PCDHGB2: variants seen among roughly 807,000 people sequenced by gnomAD.
PCDHGB2 encodes the protein protocadherin gamma-B2.
In PCDHGB2, 55 loss-of-function variants were observed where a neutral mutation model predicts 59.3. The ratio of observed to expected loss-of-function variants is 0.93; its 90% CI spans 0.75 to 1.16. The LOEUF is 1.16. PCDHGB2 is among the 50% of genes most tolerant of loss of function. The pLI is 0.00. For missense variants in PCDHGB2, 1,228 were observed against 1,198.5 expected (o/e 1.02, Z -0.36); for synonymous variants, 516 against 512.0 (o/e 1.01, Z -0.11).
intron 2 of PCDHGB2, 145 bp downstream of exon 2, chr5:141,495,010 G>GT: frequency 6.6e-7 from 1 of 1,516,970 alleles, no homozygotes; most frequent in East Asian, 2.5e-5. Flanking sequence ...GTGTGCGGGG[G>GT]GCTGGCACAC....
rs781055264 is a variant in PCDHGB2, at chr5:141,361,206, G to A, written c.1071G>A (p.Pro357=). The change falls in exon 1 of 4, where the codon CCG becomes CCA. Residue 357 remains proline, a synonymous_variant. Coordinates refer to ENST00000522605, the MANE Select transcript of PCDHGB2 (RefSeq NM_018923.3). The part of the protein sequence containing the change: ...VIVTSVSTPL[P]EDSPPGTVIA... ...TGACTTCAGTATCTACTCCCCTACC[G>A]GAGGATTCGCCACCAGGAACAGTGA... The A allele has an allele frequency of 6.2e-7, 1 of 1,613,902 alleles. No homozygotes were observed. Among genetic ancestry groups the A allele is most frequent in the Non-Finnish European group, 8.5e-7 (1 of 1,179,876 alleles).
chr5:141,423,131 A>C (rs370773437), intron 1 of PCDHGB2: 1 of 1,613,538 alleles, frequency 6.2e-7, no homozygotes. Flanking sequence ...GCACTGCTGG[A>C]CAGAGACGCG....
intron 1 of PCDHGB2, among the ~76,000 whole-genome samples, chr5:141,438,976 C>T (rs2098079529): frequency 6.6e-6 from 1 of 151,928 alleles, no homozygotes; most frequent in Non-Finnish European, 1.5e-5. Context: ...AACTGTCTGA[C>T]TTATCTTAAA....
chr5:141,456,550 C>T (rs1017343381), intron 1 of PCDHGB2, among the ~76,000 whole-genome samples: 2 of 152,166 alleles, frequency 1.3e-5, no homozygotes, highest in African/African-American at 4.8e-5. Context: ...TGTAGCCACT[C>T]GGGGCTGAAG....
chr5:141,473,776 T>C (rs1026169931), intron 1 of PCDHGB2, among the ~76,000 whole-genome samples: 1 of 152,214 alleles, frequency 6.6e-6, no homozygotes, highest in Non-Finnish European at 1.5e-5. Context: ...TTTGGTATTT[T>C]AATTCAAGAG....
intron 1 of PCDHGB2, chr5:141,371,767 C>A: frequency 6.2e-7 from 1 of 1,614,030 alleles, no homozygotes; most frequent in Non-Finnish European, 8.5e-7. Context: ...GCCTCCTACA[C>A]CGTGCATGTA....
intron 1 of PCDHGB2, chr5:141,414,582 C>T (rs2095761888): frequency 2.5e-6 from 4 of 1,613,862 alleles, no homozygotes; most frequent in Non-Finnish European, 3.4e-6. Flanking sequence ...CAGAGAACAA[C>T]GCCAGGGGTG....
intron 1 of PCDHGB2, chr5:141,417,887 C>A: frequency 6.4e-7 from 1 of 1,564,888 alleles, no homozygotes; most frequent in Non-Finnish European, 8.7e-7. Context: ...GCAGAGGCGC[C>A]GGGCCGGCCC....
At chr5:141,421,184 C>G (rs2096551183) in intron 1 of PCDHGB2, 1 of 1,457,940 alleles carries the variant, frequency 6.9e-7, no homozygotes, top group African/African-American at 1.4e-5. Context: ...CGATTCACAA[C>G]CAACCAGCTC....
chr5:141,417,776 C>T (rs2096161387), intron 1 of PCDHGB2: 1 of 1,469,712 alleles, frequency 6.8e-7, no homozygotes, highest in South Asian at 1.4e-5. Context: ...CTCCTCCTGT[C>T]CTGGGCCGAA....
chr5:141,495,818 GTTC>G (rs2099764072), intron 2 of PCDHGB2, among the ~76,000 whole-genome samples: 1 of 151,904 alleles, frequency 6.6e-6, no homozygotes, highest in South Asian at 2.1e-4. Context: ...AGCGCCTTGT[GTTC>G]TTCTATCCCC....
rs1260981096 is a variant in PCDHGB2 at position 141,374,541 on chromosome 5, C to T, written c.2421+11985C>T. On this transcript the variant is annotated intron_variant, in intron 1 of 3. Coordinates refer to ENST00000522605, the MANE Select transcript of PCDHGB2 (RefSeq NM_018923.3). Reference sequence around the variant, plus strand: ...AACGCAGCTCCATCCTCTCGTTTTCCACTAATGGAGGTCTATGACCCTGAT... The same window carrying T: ...AACGCAGCTCCATCCTCTCGTTTTCTACTAATGGAGGTCTATGACCCTGAT... 6.8e-6 allele frequency: 11 copies of T among 1,613,170 alleles called. No individual in the cohort carries two copies. Among genetic ancestry groups the T allele is most frequent in the Non-Finnish European group, 9.3e-6 (11 of 1,179,374 alleles).
chr5:141,433,054 G>A, intron 1 of PCDHGB2: 2 of 1,614,196 alleles, frequency 1.2e-6, no homozygotes, highest in Non-Finnish European at 1.7e-6. Context: ...ACTCGCGGAA[G>A]AGTCACCTGA....
At chr5:141,404,520 A>C (rs1483361714) in intron 1 of PCDHGB2, 2 of 1,613,916 alleles carry the variant, frequency 1.2e-6, no homozygotes, top group Non-Finnish European at 1.7e-6. Context: ...TTTGACTATG[A>C]GCAGTTTAGA....
Position 141,491,590 on chromosome 5 carries a change from G to A in PCDHGB2, c.2422-3217G>A, listed in dbSNP as rs376104513. ...GACGTGCTTTTCACCGGCCTCGGAC[G>A]GCAGTGACTTCACTTTTCTAAGACC... On this transcript the variant is annotated intron_variant, in intron 1 of 3. Transcript: ENST00000522605. The surrounding 1 kb of genome is among the most constrained non-coding windows in gnomAD (Gnocchi z 6.9). 15 of 1,613,828 alleles carry A rather than the reference G, an allele frequency of 9.3e-6. No homozygotes were observed. In the African/African-American group the frequency reaches 2.0e-4, roughly 22 times the overall value.
rs749007839 is a variant in PCDHGB2 at position 141,418,069 on chromosome 5, G to A, written c.2421+55513G>A. On this transcript the variant is annotated intron_variant, in intron 1 of 3. Coordinates refer to ENST00000522605, the MANE Select transcript of PCDHGB2 (RefSeq NM_018923.3). ...CGGCTCGCGAGCTGCGAGTGAGCGC[G>A]GAGAAGCTGCACTTCAGCGTAGACG... 1.7e-5 allele frequency: 28 copies of A among 1,613,926 alleles called. 1 individual carries two copies. The Middle Eastern group carries it at 9.9e-4, about 57-fold the overall frequency.
In PCDHGB2 at chr5:141,362,522, C is replaced by T. The variant is rs780916680; in HGVS notation, c.2387C>T (p.Ala796Val). ...GAACAAAATACAAATCATGGAGCCGCTGGGGTCCCTTTTGCCTCAGATACT... is the reference window on the plus strand; with the variant it reads ...GAACAAAATACAAATCATGGAGCCGTTGGGGTCCCTTTTGCCTCAGATACT... ...SWEQNTNHGA[A>V]GVPFASDTIL... Residue 796 changes from alanine to valine, a missense_variant, in exon 1 of 4, where the codon GCT becomes GTT. Physicochemically the swap from Ala to Val is moderately conservative, Grantham distance 64. Transcript: ENST00000522605. The T allele has an allele frequency of 3.7e-6, 6 of 1,614,018 alleles. No homozygotes were observed. Among genetic ancestry groups the T allele is most frequent in the Non-Finnish European group, 5.1e-6 (6 of 1,179,904 alleles).
intron 3 of PCDHGB2, among the ~76,000 whole-genome samples, chr5:141,509,962 C>A (rs1186902807): frequency 2.0e-5 from 3 of 152,206 alleles, no homozygotes. Context: ...CGGGTATGGC[C>A]TTGGTCCTTC....
In PCDHGB2 at chr5:141,476,235, A is replaced by G; in HGVS notation, c.2422-18572A>G. ...GTCATTCACTATGAGATCCCGGAGG[A>G]AAGAGAGAAGGGTTTCGCTGTGGGC... is the stretch of plus-strand genomic sequence containing the variant. On this transcript the variant is annotated intron_variant, in intron 1 of 3. Coordinates refer to ENST00000522605, the MANE Select transcript of PCDHGB2 (RefSeq NM_018923.3). The surrounding 1 kb of genome is among the most constrained non-coding windows in gnomAD (Gnocchi z 7.6). 2 of 1,613,844 alleles carry G rather than the reference A, an allele frequency of 1.2e-6. No homozygotes were observed. Among genetic ancestry groups the G allele is most frequent in the Admixed American group, 1.7e-5 (1 of 59,990 alleles).
Sources: gnomAD v4.1 joint callset for allele counts (sites outside exome capture counted in the v4.1 genomes callset) on GRCh38, gnomAD v4.1.1 for gene constraint, Gnocchi (gnomAD v3.1) non-coding constraint, MANE v1.5 for transcripts, NCBI Gene and HGNC (gene_info 2026-07-23, HGNC 2026-07-21) for gene names.